Variants in TTLL11 observed in about 807,000 individuals in gnomAD.
The protein encoded by TTLL11 is tubulin polyglutamylase TTLL11.
A neutral mutation model predicts 51.7 loss-of-function variants in TTLL11; 42 were observed. The ratio of observed to expected loss-of-function variants is 0.81; its 90% CI spans 0.64 to 1.05. The LOEUF is 1.05. Ranked by LOEUF, TTLL11 falls within the 50% of genes least tolerant of loss-of-function variation. The pLI is 0.00. For missense variants in TTLL11, 799 were observed against 940.4 expected, an observed-to-expected ratio of 0.85 and a Z score of 1.97; for synonymous variants, 381 against 383.5, an observed-to-expected ratio of 0.99 and a Z score of 0.08.
chr9:121,945,108 G>A (rs1841616850), intron 6 of TTLL11, among the ~76,000 whole-genome samples: 1 of 152,192 alleles, frequency 6.6e-6, no homozygotes, highest in Non-Finnish European at 1.5e-5. Context: ...CCTAAGCGCT[G>A]AGTGACACCT....
intron 3 of TTLL11, among the ~76,000 whole-genome samples, chr9:122,002,230 C>T (rs541168840): frequency 2.0e-4 from 31 of 152,352 alleles, no homozygotes; most frequent in African/African-American, 6.7e-4. Context: ...TGCAAGGAAA[C>T]CTCTCTGCTT....
intron 6 of TTLL11, among the ~76,000 whole-genome samples, chr9:121,902,124 C>A (rs1212555175): frequency 6.6e-6 from 1 of 151,598 alleles, no homozygotes; most frequent in Non-Finnish European, 1.5e-5. Context: ...AAAAATAAAA[C>A]CATGGGCAAT....
chr9:122,068,811 G>A (rs996403963), intron 1 of TTLL11, among the ~76,000 whole-genome samples: 20 of 152,204 alleles, frequency 1.3e-4, no homozygotes, highest in Admixed American at 5.2e-4. Flanking sequence ...GTGACCAGGT[G>A]CCTGAGTTCC....
At chr9:121,849,449 G>A (rs1012395812) in intron 8 of TTLL11, among the ~76,000 whole-genome samples, 2 of 152,100 alleles carry the variant, frequency 1.3e-5, no homozygotes, top group Non-Finnish European at 2.9e-5. Flanking sequence ...AAAAGACATT[G>A]TTAAGAAAAT....
intron 7 of TTLL11, among the ~76,000 whole-genome samples, chr9:121,865,163 G>A (rs1480032170): frequency 3.3e-5 from 5 of 152,174 alleles, no homozygotes; most frequent in Non-Finnish European, 5.9e-5. Flanking sequence ...CAAAGTCACT[G>A]AGGAGTTAAT....
intron 8 of TTLL11, among the ~76,000 whole-genome samples, chr9:121,841,636 G>A (rs962699290): frequency 2.0e-5 from 3 of 152,140 alleles, no homozygotes; most frequent in Non-Finnish European, 2.9e-5. Context: ...CCTGAGTCAC[G>A]TGGCAGCTGC....
At chr9:121,962,346 T>C (rs898010053) in intron 6 of TTLL11, among the ~76,000 whole-genome samples, 2 of 152,150 alleles carry the variant, frequency 1.3e-5, no homozygotes, top group Non-Finnish European at 2.9e-5. Flanking sequence ...TTTGGAACTA[T>C]GATGGGTGGT....
intron 6 of TTLL11, among the ~76,000 whole-genome samples, chr9:121,902,667 T>G (rs1234915481): frequency 6.6e-6 from 1 of 152,056 alleles, no homozygotes; most frequent in African/African-American, 2.4e-5. Flanking sequence ...TGTACTGAGT[T>G]TGAGTAAGTC....
chr9:121,844,512 A>G (rs935973015), intron 8 of TTLL11, among the ~76,000 whole-genome samples: 2 of 152,224 alleles, frequency 1.3e-5, no homozygotes, highest in Non-Finnish European at 2.9e-5. Flanking sequence ...TATACAGTGC[A>G]AAGAGACAAA....
Position 122,062,141 on chromosome 9 carries a change from T to A in TTLL11, c.463-22773A>T, listed in dbSNP as rs1202506354. Among the ~76,000 whole-genome samples, 3 of 152,118 alleles carry A rather than the reference T, an allele frequency of 2.0e-5. No individual in the cohort carries two copies. The East Asian group carries it at 5.8e-4, about 29-fold the overall frequency. The stretch of plus-strand genomic sequence containing the variant: ...CTGCTATATTAAATATAGTAGCCAA[T>A]CTCATGGGCACTTTGTTATTATACC... On this transcript the variant is annotated intron_variant, in intron 1 of 8. Coordinates refer to ENST00000321582, the MANE Select transcript of TTLL11 (RefSeq NM_001139442.2).
intron 6 of TTLL11, among the ~76,000 whole-genome samples, chr9:121,959,361 C>A (rs958068406): frequency 3.4e-4 from 51 of 152,228 alleles, no homozygotes; most frequent in Admixed American, 1.3e-4. Context: ...CTCATGAGCC[C>A]CCGGCCCATG....
intron 6 of TTLL11, among the ~76,000 whole-genome samples, chr9:121,929,022 A>AAAAAACCT (rs1419711882): frequency 1.3e-5 from 2 of 152,212 alleles, no homozygotes; most frequent in East Asian, 3.8e-4. Flanking sequence ...TCTTTAGCCT[A>AAAAAACCT]TCAGAGACAA....
chr9:121,871,804 C>A (rs951598060), intron 6 of TTLL11, among the ~76,000 whole-genome samples: 1 of 152,254 alleles, frequency 6.6e-6, no homozygotes, highest in African/African-American at 2.4e-5. Flanking sequence ...TCCTCCCAAC[C>A]TGCCACTCAC....
At chr9:121,846,076 A>T (rs1020545000) in intron 8 of TTLL11, among the ~76,000 whole-genome samples, 3 of 152,194 alleles carry the variant, frequency 2.0e-5, no homozygotes, top group Non-Finnish European at 4.4e-5. Context: ...TAGATAAAAA[A>T]GCAAAGGGTT....
intron 6 of TTLL11, among the ~76,000 whole-genome samples, chr9:121,918,067 T>C (rs1027519834): frequency 3.9e-5 from 6 of 152,186 alleles, no homozygotes; most frequent in Admixed American, 2.0e-4. Flanking sequence ...GGCCTCGGTT[T>C]ACCCAGCCTT....
At position 121,974,085 on chromosome 9, in the gene TTLL11, C is replaced by G; in HGVS notation, c.1405G>C (p.Asp469His). The part of the protein sequence containing the change: ...GVFENVPSLV[D>H]EEVKVAVIRD... Reference sequence around the variant, plus strand: ...ATCACAGCCACTTTCACTTCTTCATCAACGAGGCTGGGGACATTTTCAAAC... The same window carrying G: ...ATCACAGCCACTTTCACTTCTTCATGAACGAGGCTGGGGACATTTTCAAAC... The change falls in exon 6 of 9, where the codon GAT (aspartate) becomes CAT (histidine). Residue 469 changes from aspartate (D) to histidine (H), a missense_variant. This residue lies in a region of TTLL11 where 468 missense variants were observed against 612.8 expected (regional missense o/e 0.76). Transcript: ENST00000321582. The G allele has an allele frequency of 6.4e-7, 1 of 1,551,726 alleles. No individual in the cohort carries two copies. Among genetic ancestry groups the G allele is most frequent in the Non-Finnish European group, 8.7e-7 (1 of 1,146,996 alleles).
At chr9:122,025,903 G>A (rs2131793320) in intron 3 of TTLL11, among the ~76,000 whole-genome samples, 1 of 152,254 alleles carries the variant, frequency 6.6e-6, no homozygotes, top group South Asian at 2.1e-4. Flanking sequence ...TCCTGCAGCA[G>A]GTGAAGGTCT....
At chr9:121,869,250 G>A (rs1838270777) in intron 7 of TTLL11, among the ~76,000 whole-genome samples, 1 of 152,210 alleles carries the variant, frequency 6.6e-6, no homozygotes, top group Non-Finnish European at 1.5e-5. Context: ...CATCCTGTCA[G>A]GAATAGCAGA....
At chr9:121,880,552 G>A (rs796355714) in intron 6 of TTLL11, among the ~76,000 whole-genome samples, 12 of 152,216 alleles carry the variant, frequency 7.9e-5, no homozygotes, top group African/African-American at 2.4e-4. Context: ...ACAATGCTAA[G>A]CCCACAGTAT....
Sources: gnomAD v4.1 joint callset for allele counts (sites outside exome capture counted in the v4.1 genomes callset) on GRCh38, gnomAD v4.1.1 for gene constraint, gnomAD v4.1.1 regional missense constraint, MANE v1.5 for transcripts, NCBI Gene and HGNC (gene_info 2026-07-23, HGNC 2026-07-21) for gene names.